NFIB: variants seen among roughly 807,000 people sequenced by gnomAD.
NFIB encodes the protein nuclear factor I B, also known as nuclear factor 1 B-type.
NFIB carries 11 observed loss-of-function variants against 61.5 expected under a neutral mutation model. The observed-to-expected ratio is 0.18, with a 90% CI of 0.11 to 0.30. The LOEUF (loss-of-function observed/expected upper bound fraction) is 0.30. NFIB is among the 10% of genes least tolerant of loss of function. The pLI is 1.00. For missense variants in NFIB, 471 were observed against 608.9 expected (o/e 0.77, Z 2.38); for synonymous variants, 260 against 216.5 (o/e 1.20, Z -1.76).
chr9:14,124,174 CT>C (rs2039334741), intron 7 of NFIB, among the ~76,000 whole-genome samples: 1 of 152,208 alleles, frequency 6.6e-6, no homozygotes, highest in African/African-American at 2.4e-5. Context: ...ATCTAGGTCT[CT>C]CCTGTTTCGT....
At chr9:14,354,780 C>CTGTGTGTGTGTGTGTGTGTGTG (rs67877825) in intron 1 of NFIB, among the ~76,000 whole-genome samples, 1 of 145,776 alleles carries the variant, frequency 6.9e-6, no homozygotes, top group African/African-American at 2.6e-5. Flanking sequence ...AATGGGTACT[C>CTGTGTGTGTGTGTGTGTGTGTG]TGTGTGTGTG....
chr9:14,437,811 G>C, the NFIB span, among the ~76,000 whole-genome samples: 25 of 152,150 alleles, frequency 1.6e-4, no homozygotes, highest in Non-Finnish European at 3.1e-4. Flanking sequence ...TGCCTCGCTG[G>C]GGGTAGGGAA....
At chr9:14,471,169 C>G in the NFIB span, among the ~76,000 whole-genome samples, 2 of 152,334 alleles carry the variant, frequency 1.3e-5, no homozygotes, top group South Asian at 4.1e-4. Context: ...TAGGAAGCAA[C>G]AATCTCAAAA....
the NFIB span, among the ~76,000 whole-genome samples, chr9:14,512,732 C>T: frequency 1.3e-5 from 2 of 151,814 alleles, no homozygotes; most frequent in East Asian, 3.9e-4. Context: ...TGTTTCTTCC[C>T]TTCCACCTCC....
chr9:14,349,990 G>C (rs558633632), intron 1 of NFIB, among the ~76,000 whole-genome samples: 6 of 152,130 alleles, frequency 3.9e-5, no homozygotes, highest in Non-Finnish European at 8.8e-5. Flanking sequence ...GATTGCCCAT[G>C]ATCTCTCCCT....
chr9:14,428,898 A>G, the NFIB span, among the ~76,000 whole-genome samples: 2 of 152,138 alleles, frequency 1.3e-5, no homozygotes, highest in African/African-American at 2.4e-5. Flanking sequence ...TCCTTGGAAG[A>G]AAAAAACAGA....
intron 1 of NFIB, among the ~76,000 whole-genome samples, chr9:14,343,056 G>T (rs998908941): frequency 2.6e-5 from 4 of 151,876 alleles, no homozygotes; most frequent in African/African-American, 9.7e-5. Context: ...GGCCGGGGGG[G>T]TAGGGGAGTG....
intron 3 of NFIB, among the ~76,000 whole-genome samples, chr9:14,164,831 G>C (rs1171357585): frequency 6.6e-6 from 1 of 152,084 alleles, no homozygotes; most frequent in Non-Finnish European, 1.5e-5. Flanking sequence ...TCCAACCCCA[G>C]CTATTCTGAT....
At chr9:14,478,040 C>T in the NFIB span, among the ~76,000 whole-genome samples, 1 of 152,052 alleles carries the variant, frequency 6.6e-6, no homozygotes, top group Non-Finnish European at 1.5e-5. Flanking sequence ...GATGTGCTTC[C>T]AAAGCCAAGA....
chr9:14,252,759 A>G (rs1034826130), intron 2 of NFIB, among the ~76,000 whole-genome samples: 1 of 152,002 alleles, frequency 6.6e-6, no homozygotes, highest in Non-Finnish European at 1.5e-5. Flanking sequence ...CTACTGATGC[A>G]GCTTTACATG....
At chr9:14,185,017 A>G (rs1587411844) in intron 2 of NFIB, among the ~76,000 whole-genome samples, 1 of 152,234 alleles carries the variant, frequency 6.6e-6, no homozygotes, top group South Asian at 2.1e-4. Flanking sequence ...TTTGGAACAC[A>G]GTAGGTGCTC....
At chr9:14,492,187 C>T in the NFIB span, among the ~76,000 whole-genome samples, 8 of 152,108 alleles carry the variant, frequency 5.3e-5, no homozygotes, top group African/African-American at 1.9e-4. Context: ...CACAGTGAAA[C>T]CCCGTCTCTA....
chr9:14,170,641 G>A (rs891558551), intron 3 of NFIB, among the ~76,000 whole-genome samples: 7 of 152,124 alleles, frequency 4.6e-5, no homozygotes, highest in South Asian at 2.1e-4. Flanking sequence ...ACCCCATCTC[G>A]GGGAGAGGGG....
At chr9:14,379,946 G>C (rs983955180) in intron 1 of NFIB, among the ~76,000 whole-genome samples, 1 of 150,606 alleles carries the variant, frequency 6.6e-6, no homozygotes, top group African/African-American at 2.4e-5. Flanking sequence ...GCCTCCCAAA[G>C]TACTGGGATT....
At chr9:14,503,204 G>A in the NFIB span, among the ~76,000 whole-genome samples, 8 of 151,532 alleles carry the variant, frequency 5.3e-5, no homozygotes, top group South Asian at 1.7e-3. Context: ...ATGGGCATTT[G>A]GGCTGGTTCC....
chr9:14,165,567 G>C (rs1796783817), intron 3 of NFIB, among the ~76,000 whole-genome samples: 1 of 152,086 alleles, frequency 6.6e-6, no homozygotes, highest in African/African-American at 2.4e-5. Flanking sequence ...ACACCAAGAG[G>C]CAGGCTTACC....
At chr9:14,140,680 TC>T (rs2041592631) in intron 6 of NFIB, among the ~76,000 whole-genome samples, 1 of 152,148 alleles carries the variant, frequency 6.6e-6, no homozygotes, top group Non-Finnish European at 1.5e-5. Flanking sequence ...ACACCTGCAA[TC>T]CCATCACTTT....
chr9:14,356,065 G>T (rs2061173327), intron 1 of NFIB, among the ~76,000 whole-genome samples: 1 of 152,098 alleles, frequency 6.6e-6, no homozygotes, highest in Non-Finnish European at 1.5e-5. Context: ...AAACTGTGTG[G>T]CCAGTGCTAG....
At chr9:14,529,849 G>T in the NFIB span, among the ~76,000 whole-genome samples, 2 of 152,070 alleles carry the variant, frequency 1.3e-5, no homozygotes, top group Non-Finnish European at 2.9e-5. Flanking sequence ...ACTTGTCCCT[G>T]TACACACTCG....
Sources: gnomAD v4.1 joint callset for allele counts (sites outside exome capture counted in the v4.1 genomes callset) on GRCh38, gnomAD v4.1.1 for gene constraint, MANE v1.5 for transcripts, NCBI Gene and HGNC (gene_info 2026-07-23, HGNC 2026-07-21) for gene names.